The following KCNIP4 variants were observed in gnomAD, a reference collection of about 807,000 sequenced individuals.
The protein encoded by KCNIP4 is potassium voltage-gated channel interacting protein 4.
In KCNIP4, 12 loss-of-function variants were observed where a neutral mutation model predicts 34.0. That is an observed-to-expected ratio of 0.35 (90% confidence interval 0.23 to 0.57). The LOEUF (loss-of-function observed/expected upper bound fraction) is 0.57. Ranked by LOEUF, KCNIP4 falls within the 20% of genes least tolerant of loss-of-function variation. The pLI is 0.83. For synonymous variants in KCNIP4, 124 were observed against 102.2 expected, an observed-to-expected ratio of 1.21 and a Z score of -1.29; for missense variants, 238 against 311.7, an observed-to-expected ratio of 0.76 and a Z score of 1.78.
chr4:21,408,174 A>C (rs1724168385), intron 1 of KCNIP4, among the ~76,000 whole-genome samples: 2 of 152,314 alleles, frequency 1.3e-5, no homozygotes, highest in African/African-American at 2.4e-5. Context: ...AAGGGCAATA[A>C]GTGTCTTCTA....
At chr4:21,674,349 C>T (rs1291015451) in intron 1 of KCNIP4, among the ~76,000 whole-genome samples, 2 of 152,110 alleles carry the variant, frequency 1.3e-5, no homozygotes, top group Non-Finnish European at 2.9e-5. Flanking sequence ...TACGTCTAAT[C>T]CAAATAAGCT....
At chr4:21,653,734 G>T (rs996371592) in intron 1 of KCNIP4, among the ~76,000 whole-genome samples, 1 of 152,172 alleles carries the variant, frequency 6.6e-6, no homozygotes, top group Admixed American at 6.5e-5. Flanking sequence ...AACATTCAAA[G>T]ATCGTAGGAA....
intron 1 of KCNIP4, among the ~76,000 whole-genome samples, chr4:21,619,903 G>A (rs756707292): frequency 1.3e-5 from 2 of 152,182 alleles, no homozygotes; most frequent in African/African-American, 4.8e-5. Flanking sequence ...AAATTAGAAG[G>A]GGTGTTACCT....
At chr4:21,845,773 G>C (rs1444300628) in intron 1 of KCNIP4, 2 of 152,020 alleles carry the variant, frequency 1.3e-5, no homozygotes, top group Non-Finnish European at 1.5e-5. Flanking sequence ...AGCTTCCCCA[G>C]TACAGTGTTT....
intron 1 of KCNIP4, among the ~76,000 whole-genome samples, chr4:21,034,775 ACT>A (rs58987646): frequency 0.059 from 8,983 of 152,106 alleles, 827 homozygotes; most frequent in African/African-American, 0.2. Flanking sequence ...GCTTCCTAAA[ACT>A]CAGCCCGGTA....
chr4:20,856,352 C>A (rs572827389), intron 2 of KCNIP4, among the ~76,000 whole-genome samples: 2 of 152,202 alleles, frequency 1.3e-5, no homozygotes, highest in Non-Finnish European at 2.9e-5. Flanking sequence ...ATGTATATAT[C>A]TTTCATGATC....
chr4:20,991,512 T>A (rs905850769), intron 1 of KCNIP4, among the ~76,000 whole-genome samples: 3 of 152,078 alleles, frequency 2.0e-5, no homozygotes, highest in African/African-American at 7.2e-5. Flanking sequence ...TGAGGATACA[T>A]AGATGAATGG....
chr4:20,957,493 A>G (rs1167444123), intron 1 of KCNIP4, among the ~76,000 whole-genome samples: 1 of 152,148 alleles, frequency 6.6e-6, no homozygotes, highest in Non-Finnish European at 1.5e-5. Flanking sequence ...TAAGCCTAAG[A>G]TCTTATATCT....
intron 1 of KCNIP4, among the ~76,000 whole-genome samples, chr4:21,247,847 G>GAT (rs1229096731): frequency 9.0e-5 from 8 of 88,778 alleles, no homozygotes; most frequent in Non-Finnish European, 1.5e-4. Flanking sequence ...ACCACAGGTG[G>GAT]AGATATATAT....
intron 1 of KCNIP4, among the ~76,000 whole-genome samples, chr4:21,312,345 C>T (rs1471596259): frequency 1.3e-5 from 2 of 152,158 alleles, no homozygotes; most frequent in African/African-American, 2.4e-5. Flanking sequence ...TCAGACCTTT[C>T]CCAGAGATTC....
chr4:21,677,890 C>G lies in KCNIP4; in HGVS notation c.61+270681G>C, dbSNP rs1020203075. On this transcript the variant is annotated intron_variant, in intron 1 of 8. Coordinates refer to ENST00000382152, the MANE Select transcript of KCNIP4 (RefSeq NM_025221.6). Reference sequence around the variant, plus strand: ...TCAGCTTCCCAAGAAGCTGGGACTACAGCCATGAGTCACCACACCTGGCTA... The same window carrying G: ...TCAGCTTCCCAAGAAGCTGGGACTAGAGCCATGAGTCACCACACCTGGCTA... Among the ~76,000 whole-genome samples the G allele has an allele frequency of 2.0e-5, 3 of 152,200 alleles. No individual in the cohort carries two copies. In the South Asian group the frequency reaches 6.2e-4, roughly 32 times the overall value.
chr4:21,944,330 G>A (rs1471393843), intron 1 of KCNIP4, among the ~76,000 whole-genome samples: 1 of 151,908 alleles, frequency 6.6e-6, no homozygotes, highest in African/African-American at 2.4e-5. Context: ...GATCACTTGA[G>A]GTCAGGAGTT....
intron 1 of KCNIP4, among the ~76,000 whole-genome samples, chr4:21,457,402 A>C (rs1031766773): frequency 3.3e-5 from 5 of 151,864 alleles, no homozygotes; most frequent in African/African-American, 1.2e-4. Context: ...GAGGTGGAAA[A>C]TCAAATCTCT....
At chr4:21,237,562 C>A (rs115583465) in intron 1 of KCNIP4, among the ~76,000 whole-genome samples, 8,733 of 152,166 alleles carry the variant, frequency 0.057, 377 homozygotes, top group Non-Finnish European at 0.085. Flanking sequence ...CCACCAACCC[C>A]ACAGAAATAG....
At chr4:21,062,843 A>G (rs1413358638) in intron 1 of KCNIP4, among the ~76,000 whole-genome samples, 1 of 152,134 alleles carries the variant, frequency 6.6e-6, no homozygotes, top group Non-Finnish European at 1.5e-5. Flanking sequence ...GTTTTCAACA[A>G]ATTGGAGGAG....
intron 1 of KCNIP4, among the ~76,000 whole-genome samples, chr4:21,820,570 G>A (rs1241820037): frequency 6.6e-6 from 1 of 151,960 alleles, no homozygotes; most frequent in East Asian, 1.9e-4. Context: ...AGAGTGGCAT[G>A]AATTCTGCTA....
intron 1 of KCNIP4, among the ~76,000 whole-genome samples, chr4:21,620,053 C>A (rs1176244517): frequency 6.6e-6 from 1 of 152,188 alleles, no homozygotes; most frequent in African/African-American, 2.4e-5. Flanking sequence ...AGGTAATATA[C>A]ACCAGAAATT....
intron 1 of KCNIP4, among the ~76,000 whole-genome samples, chr4:21,387,415 T>C (rs1289629073): frequency 6.6e-6 from 1 of 152,200 alleles, no homozygotes; most frequent in Non-Finnish European, 1.5e-5. Flanking sequence ...TTAACTTCTT[T>C]ACCAAGGTCT....
At chr4:20,981,393 G>A (rs530751927) in intron 1 of KCNIP4, among the ~76,000 whole-genome samples, 3 of 152,196 alleles carry the variant, frequency 2.0e-5, no homozygotes, top group African/African-American at 2.4e-5. Context: ...TGCATTTGCC[G>A]AAAATATTTC....
Sources: gnomAD v4.1 joint callset for allele counts (sites outside exome capture counted in the v4.1 genomes callset) on GRCh38, gnomAD v4.1.1 for gene constraint, MANE v1.5 for transcripts, NCBI Gene and HGNC (gene_info 2026-07-23, HGNC 2026-07-21) for gene names.